SLC39A11: variants seen among roughly 807,000 people sequenced by gnomAD.
SLC39A11 encodes the protein solute carrier family 39 member 11.
Under a neutral mutation model 36.1 loss-of-function variants are expected in SLC39A11, and 33 were observed. The observed-to-expected ratio is 0.91, with a 90% confidence interval of 0.69 to 1.22. The LOEUF is 1.22. Among genes scored for constraint, SLC39A11 ranks in the 50% most tolerant of loss-of-function variants. The pLI is 0.00. For synonymous variants in SLC39A11, 166 were observed against 170.3 expected (o/e 0.97, Z 0.20); for missense variants, 432 against 430.3 (o/e 1.00, Z -0.03).
chr17:72,794,308 T>A (rs921160222), intron 6 of SLC39A11, among the ~76,000 whole-genome samples: 1 of 152,002 alleles, frequency 6.6e-6, no homozygotes, highest in Non-Finnish European at 1.5e-5. Context: ...AGCAAAGCCT[T>A]GGAGAATACA....
chr17:73,088,466 A>G (rs890756860), intron 2 of SLC39A11, among the ~76,000 whole-genome samples, 191 bp downstream of exon 2: 3 of 152,150 alleles, frequency 2.0e-5, no homozygotes, highest in Non-Finnish European at 2.9e-5. Flanking sequence ...CAGCAAGCAG[A>G]CATCTGTTCT....
intron 5 of SLC39A11, among the ~76,000 whole-genome samples, chr17:72,899,787 C>A (rs2082225616): frequency 6.6e-6 from 1 of 152,056 alleles, no homozygotes; most frequent in South Asian, 2.1e-4. Flanking sequence ...AATGGCGAAA[C>A]CCCGTCTCTA....
intron 5 of SLC39A11, among the ~76,000 whole-genome samples, chr17:72,936,715 T>G (rs564706819): frequency 6.6e-6 from 1 of 152,216 alleles, no homozygotes; most frequent in African/African-American, 2.4e-5. Context: ...GGGACTGGTT[T>G]TATGGAAGAT....
intron 9 of SLC39A11, 104 bp downstream of exon 9, chr17:72,648,699 A>T (rs1015944399): frequency 7.4e-7 from 1 of 1,347,442 alleles, no homozygotes; most frequent in Non-Finnish European, 1.0e-6. Flanking sequence ...AGAGAGGGGG[A>T]GGGAATAAGG....
intron 7 of SLC39A11, among the ~76,000 whole-genome samples, chr17:72,649,810 C>G (rs1175084265): frequency 6.6e-6 from 1 of 152,092 alleles, no homozygotes; most frequent in East Asian, 1.9e-4. Context: ...CCAGGCTGGT[C>G]TCCAACTCCT....
At chr17:72,945,941 G>C (rs2085405479) in intron 5 of SLC39A11, among the ~76,000 whole-genome samples, 1 of 152,148 alleles carries the variant, frequency 6.6e-6, no homozygotes, top group Non-Finnish European at 1.5e-5. Flanking sequence ...CCATGGCCCT[G>C]AAGATAGAAA....
intron 3 of SLC39A11, among the ~76,000 whole-genome samples, chr17:73,079,410 C>A (rs1399720191): frequency 1.3e-5 from 2 of 152,132 alleles, no homozygotes; most frequent in Non-Finnish European, 2.9e-5. Flanking sequence ...TTATTGATTT[C>A]TTTATCATGC....
Position 72,686,413 on chromosome 17 carries a change from G to A in SLC39A11, c.672-37145C>T, listed in dbSNP as rs955047543. ...TGCACTTTCAAACAGTGCCTGATTCGGGATCCCACTGCTGTCCCGCTCCAC... is the reference window on the plus strand; with the variant it reads ...TGCACTTTCAAACAGTGCCTGATTCAGGATCCCACTGCTGTCCCGCTCCAC... On this transcript the variant is annotated intron_variant, in intron 7 of 9. Coordinates refer to ENST00000255559, the MANE Select transcript of SLC39A11 (RefSeq NM_139177.4). 8.5e-5 allele frequency among the ~76,000 whole-genome samples: 13 copies of A among 152,258 alleles called. No individual in the cohort carries two copies. In the East Asian group the frequency reaches 1.2e-3, roughly 14 times the overall value.
At chr17:72,903,474 G>T (rs949182314) in intron 5 of SLC39A11, among the ~76,000 whole-genome samples, 3 of 152,020 alleles carry the variant, frequency 2.0e-5, no homozygotes, top group Non-Finnish European at 4.4e-5. Context: ...AATCAAAGTT[G>T]CTCACGCTCT....
intron 4 of SLC39A11, among the ~76,000 whole-genome samples, chr17:72,954,917 T>C (rs577271094): frequency 3.9e-5 from 6 of 152,168 alleles, no homozygotes; most frequent in Non-Finnish European, 7.4e-5. Context: ...CTGTCTTCTT[T>C]GCCCTGGTTA....
rs144971877 is a variant in SLC39A11, at chr17:72,691,536, C to T, written c.672-42268G>A. Among the ~76,000 whole-genome samples, 10 of 152,296 alleles carry T rather than the reference C, an allele frequency of 6.6e-5. No individual in the cohort carries two copies. In the East Asian group the frequency reaches 1.2e-3, roughly 18 times the overall value. The stretch of plus-strand genomic sequence containing the variant: ...AAGAGTTGACGGTTTCGTCCTCATT[C>T]GCTGTTTCCACTAACAGTTCAGTGG... On this transcript the variant is annotated intron_variant, in intron 7 of 9. Transcript: ENST00000255559.
chr17:72,665,269 T>C (rs1218320618), intron 7 of SLC39A11, among the ~76,000 whole-genome samples: 1 of 152,064 alleles, frequency 6.6e-6, no homozygotes, highest in East Asian at 1.9e-4. Flanking sequence ...CTGACCTCTC[T>C]TGATTGCCAC....
chr17:72,922,869 G>A (rs943651881), intron 5 of SLC39A11, among the ~76,000 whole-genome samples: 6 of 147,824 alleles, frequency 4.1e-5, no homozygotes, highest in African/African-American at 1.5e-4. Context: ...TCGGGAGGCT[G>A]AGGCACGAGA....
chr17:73,028,509 A>C (rs144886963), intron 4 of SLC39A11, among the ~76,000 whole-genome samples: 7 of 152,350 alleles, frequency 4.6e-5, no homozygotes, highest in African/African-American at 7.2e-5. Context: ...TGTAGCAATC[A>C]TAAGTAATTC....
At chr17:72,766,954 C>T (rs111694395) in intron 6 of SLC39A11, among the ~76,000 whole-genome samples, 2,913 of 152,090 alleles carry the variant, frequency 0.019, 92 homozygotes, top group African/African-American at 0.066. Flanking sequence ...AGAGATGTCA[C>T]CCTCAAGATA....
At chr17:72,950,312 C>T (rs1419749528) in intron 4 of SLC39A11, among the ~76,000 whole-genome samples, 5 of 152,174 alleles carry the variant, frequency 3.3e-5, no homozygotes, top group Non-Finnish European at 7.3e-5. Context: ...GGGTATCCAC[C>T]TCTTCTGTCA....
In SLC39A11 at chr17:72,718,130, T is replaced by C. The variant is rs190377931; in HGVS notation, c.671+18520A>G. ...TTTTACCTAGGCTTGCATTTCGTAATGAGCCAAATGAGGTTTGATTTTAAA... is the reference window on the plus strand; with the variant it reads ...TTTTACCTAGGCTTGCATTTCGTAACGAGCCAAATGAGGTTTGATTTTAAA... On this transcript the variant is annotated intron_variant, in intron 7 of 9. Coordinates refer to ENST00000255559, the MANE Select transcript of SLC39A11 (RefSeq NM_139177.4). 2.8e-3 allele frequency among the ~76,000 whole-genome samples: 433 copies of C among 152,304 alleles called. 1 individual carries two copies. Among genetic ancestry groups the C allele is most frequent in the African/African-American group, 9.5e-3 (396 of 41,576 alleles).
At chr17:72,974,547 G>A (rs1248939610) in intron 4 of SLC39A11, among the ~76,000 whole-genome samples, 1 of 152,032 alleles carries the variant, frequency 6.6e-6, no homozygotes, top group African/African-American at 2.4e-5. Context: ...GCTTTACAGT[G>A]TGTTTTAAGC....
intron 3 of SLC39A11, among the ~76,000 whole-genome samples, chr17:73,064,359 T>C (rs890289970): frequency 6.6e-6 from 1 of 152,184 alleles, no homozygotes; most frequent in African/African-American, 2.4e-5. Flanking sequence ...TATTTTGTTC[T>C]TTCTTTTCTC....
Sources: gnomAD v4.1 joint callset for allele counts (sites outside exome capture counted in the v4.1 genomes callset) on GRCh38, gnomAD v4.1.1 for gene constraint, MANE v1.5 for transcripts, NCBI Gene and HGNC (gene_info 2026-07-23, HGNC 2026-07-21) for gene names.